PPM1B: variants seen among roughly 807,000 people sequenced by gnomAD.
PPM1B encodes the protein protein phosphatase 1B.
In PPM1B, 22 loss-of-function variants were observed where a neutral mutation model predicts 43.0. The observed-to-expected ratio is 0.51, with a 90% CI of 0.37 to 0.73. PPM1B has a LOEUF of 0.73. PPM1B is among the 30% of genes least tolerant of loss of function. The pLI is 0.00. For synonymous variants in PPM1B, 217 were observed against 197.9 expected, an observed-to-expected ratio of 1.10 and a Z score of -0.81; for missense variants, 632 against 584.2, an observed-to-expected ratio of 1.08 and a Z score of -0.84.
intron 1 of PPM1B, among the ~76,000 whole-genome samples, chr2:44,192,287 G>A (rs1248272555): frequency 6.6e-6 from 1 of 151,794 alleles, no homozygotes; most frequent in East Asian, 1.9e-4. Flanking sequence ...GCACGATCTC[G>A]GCTCACTGCA....
intron 3 of PPM1B, among the ~76,000 whole-genome samples, chr2:44,217,575 A>AT (rs922178837): frequency 4.6e-5 from 7 of 152,084 alleles, no homozygotes; most frequent in Non-Finnish European, 8.8e-5. Context: ...GATCAGAAGT[A>AT]TTTTTCCATA....
chr2:44,224,015 T>C (rs929474799), intron 5 of PPM1B, among the ~76,000 whole-genome samples: 1 of 152,140 alleles, frequency 6.6e-6, no homozygotes, highest in African/African-American at 2.4e-5. Flanking sequence ...GAGTCTTCAT[T>C]AGTCATCAAT....
chr2:44,213,013 C>CAA (rs57091283), intron 3 of PPM1B, among the ~76,000 whole-genome samples: 13 of 65,270 alleles, frequency 2.0e-4, no homozygotes, highest in African/African-American at 4.4e-4. Flanking sequence ...ACTCCGTTTC[C>CAA]AAAAAAAAAA....
intron 5 of PPM1B, among the ~76,000 whole-genome samples, chr2:44,219,393 G>C (rs1366118869): frequency 6.6e-6 from 1 of 152,134 alleles, no homozygotes; most frequent in Non-Finnish European, 1.5e-5. Flanking sequence ...GATTGAGAGA[G>C]AGAGTATCCA....
intron 5 of PPM1B, among the ~76,000 whole-genome samples, chr2:44,226,380 G>A (rs1670210088): frequency 6.6e-6 from 1 of 152,148 alleles, no homozygotes; most frequent in Admixed American, 6.5e-5. Context: ...GAAAGCGAGA[G>A]GTACTTTATC....
At chr2:44,178,450 A>ATGTGTG (rs1193096840) in intron 1 of PPM1B, among the ~76,000 whole-genome samples, 47 of 129,662 alleles carry the variant, frequency 3.6e-4, no homozygotes, top group African/African-American at 1.3e-3. Context: ...TATTTTATAT[A>ATGTGTG]TGTATATATA....
intron 5 of PPM1B, among the ~76,000 whole-genome samples, chr2:44,220,839 T>C (rs1347089620): frequency 6.6e-6 from 1 of 152,196 alleles, no homozygotes; most frequent in East Asian, 1.9e-4. Flanking sequence ...GAAGAATGAT[T>C]TGAATGGTAG....
chr2:44,230,065 C>T, intron 5 of PPM1B: 2 of 1,551,270 alleles, frequency 1.3e-6, no homozygotes, highest in Non-Finnish European at 1.7e-6. Flanking sequence ...CATTGATTTT[C>T]TTTTGTACTA....
downstream of PPM1B, chr2:44,234,566 TG>T: frequency 2.5e-5 from 24 of 952,260 alleles, no homozygotes; most frequent in Non-Finnish European, 3.0e-5. Context: ...GGGGGCAGGG[TG>T]GGGGTTACTG....
intron 2 of PPM1B, among the ~76,000 whole-genome samples, chr2:44,202,934 GTA>G (rs1669007751): frequency 6.6e-6 from 1 of 152,090 alleles, no homozygotes; most frequent in South Asian, 2.1e-4. Context: ...GAGTGTGTAA[GTA>G]TTTGACTGAA....
chr2:44,178,530 C>G (rs1351259119), intron 1 of PPM1B, among the ~76,000 whole-genome samples: 1 of 149,812 alleles, frequency 6.7e-6, no homozygotes, highest in African/African-American at 2.5e-5. Flanking sequence ...TGCAATGATG[C>G]AATCTTGGCT....
intron 5 of PPM1B, among the ~76,000 whole-genome samples, chr2:44,224,222 G>A (rs1046929957): frequency 5.9e-5 from 9 of 152,234 alleles, no homozygotes; most frequent in African/African-American, 9.6e-5. Context: ...TTGGGAGGCC[G>A]AGGTGGGCGG....
intron 2 of PPM1B, among the ~76,000 whole-genome samples, chr2:44,202,453 T>A (rs750150974): frequency 1.3e-5 from 2 of 152,220 alleles, no homozygotes; most frequent in Non-Finnish European, 2.9e-5. Context: ...GAAGATGTAC[T>A]AGATGCCTAG....
At chr2:44,232,168 C>T (rs974097294), downstream of PPM1B, 69 of 1,191,796 alleles carry the variant, frequency 5.8e-5, no homozygotes, top group Middle Eastern at 2.9e-4. Flanking sequence ...ACACAATATG[C>T]AATACACAAC....
intron 1 of PPM1B, among the ~76,000 whole-genome samples, chr2:44,178,399 C>A (rs1375223252): frequency 2.7e-5 from 4 of 149,888 alleles, no homozygotes; most frequent in Non-Finnish European, 4.4e-5. Flanking sequence ...CCAAAATTCT[C>A]TCCAATGTTG....
intron 5 of PPM1B, among the ~76,000 whole-genome samples, chr2:44,221,402 A>C (rs1327733480): frequency 6.6e-6 from 1 of 152,160 alleles, no homozygotes; most frequent in Non-Finnish European, 1.5e-5. Context: ...GACGTGATTA[A>C]ATTCTGAGCT....
intron 5 of PPM1B, among the ~76,000 whole-genome samples, chr2:44,241,946 C>T (rs1670755500): frequency 7.3e-6 from 1 of 136,290 alleles, no homozygotes; most frequent in Non-Finnish European, 1.5e-5. Flanking sequence ...GCGAGCTCCG[C>T]CTCCCAGGTT....
intron 2 of PPM1B, among the ~76,000 whole-genome samples, chr2:44,205,355 GTGT>G (rs1389109050): frequency 5.3e-5 from 5 of 94,206 alleles, no homozygotes; most frequent in Admixed American, 9.2e-5. Flanking sequence ...GTGGGTGTGG[GTGT>G]GTGTGTGTGT....
At chr2:44,242,568 A>G (rs961871951) in intron 5 of PPM1B, among the ~76,000 whole-genome samples, 1 of 152,222 alleles carries the variant, frequency 6.6e-6, no homozygotes. Context: ...GTACACATTT[A>G]CAATCTTAAT....
Sources: allele counts gnomAD v4.1 joint callset (sites outside exome capture counted in the v4.1 genomes callset), GRCh38; gene constraint gnomAD v4.1.1; transcripts MANE v1.5; gene names NCBI Gene and HGNC (gene_info 2026-07-23, HGNC 2026-07-21).